Variants in KATNIP observed in about 807,000 individuals in gnomAD.
KATNIP encodes the protein katanin-interacting protein.
A neutral mutation model predicts 174.0 loss-of-function variants in KATNIP; 126 were observed. That is an observed-to-expected ratio of 0.72 (90% CI 0.63 to 0.84). KATNIP has a LOEUF of 0.84. Ranked by LOEUF, KATNIP falls within the 40% of genes least tolerant of loss-of-function variation. The probability of loss-of-function intolerance (pLI) is 0.00; values close to 1 mark genes in which losing one functional copy is unlikely to be tolerated. For missense variants in KATNIP, 1,958 were observed against 2,109.7 expected, an observed-to-expected ratio of 0.93 and a Z score of 1.41; for synonymous variants, 810 against 835.7, an observed-to-expected ratio of 0.97 and a Z score of 0.53.
At chr16:27,617,025 C>A (rs1215207343) in intron 2 of KATNIP, among the ~76,000 whole-genome samples, 1 of 145,868 alleles carries the variant, frequency 6.9e-6, no homozygotes, top group Non-Finnish European at 1.5e-5. Context: ...TATCAAATTA[C>A]AATAGCAGTT....
chr16:27,724,316 C>T (rs2143026657), intron 14 of KATNIP, among the ~76,000 whole-genome samples: 1 of 152,350 alleles, frequency 6.6e-6, no homozygotes, highest in South Asian at 2.1e-4. Context: ...ACAATGCCAG[C>T]AGCCCGTGGC....
intron 21 of KATNIP, among the ~76,000 whole-genome samples, chr16:27,770,801 A>G (rs546926286): frequency 6.6e-6 from 1 of 152,210 alleles, no homozygotes. Flanking sequence ...CGTTTTACAG[A>G]TGTGGGAACT....
intron 5 of KATNIP, among the ~76,000 whole-genome samples, chr16:27,639,381 C>G (rs760659563): frequency 3.9e-5 from 6 of 152,218 alleles, no homozygotes; most frequent in Non-Finnish European, 7.3e-5. Flanking sequence ...GGCCTTAGAT[C>G]TTTATGCTGC....
chr16:27,688,497 A>G (rs2078602070), intron 8 of KATNIP, among the ~76,000 whole-genome samples: 1 of 152,144 alleles, frequency 6.6e-6, no homozygotes, highest in African/African-American at 2.4e-5. Flanking sequence ...AGGCTGAGAC[A>G]GGAGAATTGC....
In KATNIP at chr16:27,560,819, C is replaced by T. The variant is rs144202752; in HGVS notation, c.7+10642C>T. Among the ~76,000 whole-genome samples, 253 of 152,298 alleles carry T rather than the reference C, an allele frequency of 1.7e-3. 3 individuals carry two copies. Among genetic ancestry groups the T allele is most frequent in the Non-Finnish European group, 1.7e-3 (118 of 68,030 alleles). On this transcript the variant is annotated intron_variant, in intron 1 of 27. Transcript: ENST00000261588. Reference sequence around the variant, plus strand: ...ACTTCTTTCCTTTGTATGCCCAGCACCTGGCACAAGGACTGGCACAGGCAG... The same window carrying T: ...ACTTCTTTCCTTTGTATGCCCAGCATCTGGCACAAGGACTGGCACAGGCAG...
rs186835132 is a variant in KATNIP, at chr16:27,779,842, G to C, written c.*1213G>C. 2 of 152,210 alleles carry C rather than the reference G, an allele frequency of 1.3e-5. No individual in the cohort carries two copies. Among genetic ancestry groups the C allele is most frequent in the African/African-American group, 4.8e-5 (2 of 41,422 alleles). The allele number at this position is 152,210 out of a possible 1,614,324, so 9.4% of individuals were successfully genotyped here. A position where few individuals can be genotyped will look rare whatever the true frequency, so the allele number is the denominator to read the frequency against. On this transcript the variant is annotated 3_prime_UTR_variant, in exon 28 of 28. Coordinates refer to ENST00000261588, the MANE Select transcript of KATNIP (RefSeq NM_015202.5). ...CCGTTGTTTTTCTGGCGCCCAGCCC[G>C]GCCCGCCGCAGTACTGTACTCGAGG...
At chr16:27,596,644 CA>C (rs1392195506) in intron 2 of KATNIP, among the ~76,000 whole-genome samples, 1 of 152,098 alleles carries the variant, frequency 6.6e-6, no homozygotes, top group Non-Finnish European at 1.5e-5. Context: ...CACTGTTTTG[CA>C]ATAGGCTGTT....
rs190239589 is a variant in KATNIP, at chr16:27,772,595, G to A, written c.4199-504G>A. On this transcript the variant is annotated intron_variant, in intron 22 of 27. Coordinates refer to ENST00000261588, the MANE Select transcript of KATNIP (RefSeq NM_015202.5). ...GCCCCGGCCCATGGCCCCTGGCGCTGTGAGGTTTATGTGTCCCCTTCTTAG... is the reference window on the plus strand; with the variant it reads ...GCCCCGGCCCATGGCCCCTGGCGCTATGAGGTTTATGTGTCCCCTTCTTAG... Among the ~76,000 whole-genome samples the A allele has an allele frequency of 1.1e-3, 167 of 152,354 alleles. 2 individuals are homozygous for A. The highest frequency in any genetic ancestry group is 3.9e-3 in the African/African-American group (161 of 41,586).
At chr16:27,606,514 T>G (rs550905739) in intron 2 of KATNIP, among the ~76,000 whole-genome samples, 66 of 149,804 alleles carry the variant, frequency 4.4e-4, no homozygotes, top group Admixed American at 3.5e-3. Flanking sequence ...CACACACACA[T>G]ACACACACAC....
chr16:27,626,945 G>C (rs979888077), intron 3 of KATNIP, among the ~76,000 whole-genome samples: 1 of 151,106 alleles, frequency 6.6e-6, no homozygotes, highest in African/African-American at 2.4e-5. Context: ...AGCCTGGGTG[G>C]CAGTGCGAGA....
intron 14 of KATNIP, chr16:27,727,641 T>C (rs1404522419): frequency 6.6e-6 from 1 of 152,252 alleles, no homozygotes; most frequent in African/African-American, 2.4e-5. Flanking sequence ...TTAGGTGGGC[T>C]CAACTCATCC....
intron 6 of KATNIP, among the ~76,000 whole-genome samples, chr16:27,650,380 G>A (rs2077085057): frequency 6.6e-6 from 1 of 152,140 alleles, no homozygotes; most frequent in Non-Finnish European, 1.5e-5. Context: ...TGGATGGTTG[G>A]GGTTTACTCC....
chr16:27,751,760 G>C lies in KATNIP; in HGVS notation c.3388G>C (p.Asp1130His), dbSNP rs764671719. 2 of 1,614,234 alleles carry C rather than the reference G, an allele frequency of 1.2e-6. No homozygotes were observed. Among genetic ancestry groups the C allele is most frequent in the Admixed American group, 3.3e-5 (2 of 60,024 alleles). Residue 1130 changes from aspartate (D) to histidine (H), a missense_variant, in exon 17 of 28, where the codon GAT (aspartate) becomes CAT (histidine). Around this residue, in one of 3 missense-constraint regions of KATNIP, gnomAD observed 1,557 missense variants for 1,617.8 expected, o/e 0.96. Transcript: ENST00000261588. ...FGDTILFTTD[D>H]DILEAIFYSD... ...AGACACGATCTTATTCACAACCGAT[G>C]ATGACATTCTCGAGGCCATATTCTA...
Position 27,777,345 on chromosome 16 carries a change from C to G in KATNIP, c.4552-265C>G, listed in dbSNP as rs1489797523. ...GGATACCAGAGACCCAAGTTTGCCT[C>G]CAGCTCTGCCACTTGTGCTAATGGT... On this transcript the variant is annotated intron_variant, in intron 25 of 27. Coordinates refer to ENST00000261588, the MANE Select transcript of KATNIP (RefSeq NM_015202.5). This position sits in a 1 kb window ranked among gnomAD's most constrained non-coding sequence, Gnocchi z 4.4. 6.6e-6 allele frequency among the ~76,000 whole-genome samples: 1 copy of G among 152,204 alleles called. No homozygotes were observed. The highest frequency in any genetic ancestry group is 2.4e-5 in the African/African-American group (1 of 41,446).
At chr16:27,666,073 A>G (rs1199025115) in intron 6 of KATNIP, among the ~76,000 whole-genome samples, 1 of 152,214 alleles carries the variant, frequency 6.6e-6, no homozygotes. Flanking sequence ...TTGCTCAGCC[A>G]GGGTGATGCT....
At chr16:27,775,247 A>G (rs1464323380) in intron 24 of KATNIP, among the ~76,000 whole-genome samples, 163 bp downstream of exon 24, 1 of 152,152 alleles carries the variant, frequency 6.6e-6, no homozygotes, top group East Asian at 1.9e-4. Flanking sequence ...AACTTGCCTG[A>G]TGGGGTCAGC....
intron 14 of KATNIP, among the ~76,000 whole-genome samples, chr16:27,739,384 T>C (rs146399245): frequency 6.6e-6 from 1 of 152,306 alleles, no homozygotes; most frequent in Non-Finnish European, 1.5e-5. Flanking sequence ...GGAGCACCAG[T>C]TGGCCACAGC....
At chr16:27,766,530 A>C in intron 20 of KATNIP, 56 bp downstream of exon 20, 1 of 1,547,782 alleles carries the variant, frequency 6.5e-7, no homozygotes, top group South Asian at 1.1e-5. Flanking sequence ...CAGCACCTTG[A>C]TGAATGGCTG....
At chr16:27,737,246 G>A (rs2080930591) in intron 14 of KATNIP, among the ~76,000 whole-genome samples, 2 of 152,098 alleles carry the variant, frequency 1.3e-5, no homozygotes, top group South Asian at 4.2e-4. Flanking sequence ...AGCTGGTCGT[G>A]GTGACGTGTA....
Sources: gnomAD v4.1 joint callset for allele counts (sites outside exome capture counted in the v4.1 genomes callset) on GRCh38, gnomAD v4.1.1 for gene constraint, gnomAD v4.1.1 regional missense constraint, Gnocchi (gnomAD v3.1) non-coding constraint, MANE v1.5 for transcripts, NCBI Gene and HGNC (gene_info 2026-07-23, HGNC 2026-07-21) for gene names.